The following CSMD2 variants were observed in gnomAD, a reference collection of about 807,000 sequenced individuals.
CSMD2 encodes CUB and sushi domain-containing protein 2.
A neutral mutation model predicts 398.5 loss-of-function variants in CSMD2; 130 were observed. That is an observed-to-expected ratio of 0.33 (90% CI 0.28 to 0.38). The LOEUF is 0.38. Ranked by LOEUF, CSMD2 falls within the 10% of genes least tolerant of loss-of-function variation. CSMD2 has a pLI of 1.00. For missense variants in CSMD2, 3,829 were observed against 4,764.9 expected (o/e 0.80, Z 5.78); for synonymous variants, 1,828 against 1,908.5 (o/e 0.96, Z 1.10).
chr1:33,697,939 C>T (rs922123662), intron 24 of CSMD2, among the ~76,000 whole-genome samples: 1 of 152,154 alleles, frequency 6.6e-6, no homozygotes, highest in African/African-American at 2.4e-5. Context: ...TTTGTTCTTA[C>T]AAGATTAGCC....
At chr1:34,144,566 CTTCAA>C (rs1454020238) in intron 1 of CSMD2, among the ~76,000 whole-genome samples, 1 of 152,202 alleles carries the variant, frequency 6.6e-6, no homozygotes, top group Non-Finnish European at 1.5e-5. Flanking sequence ...TGGGTAACTT[CTTCAA>C]TTCAAGAGTG....
Position 33,918,026 on chromosome 1 carries a change from C to G in CSMD2, c.920+68G>C, listed in dbSNP as rs1643813839. 5.5e-6 allele frequency: 8 copies of G among 1,463,576 alleles called. No individual in the cohort carries two copies. The Middle Eastern group carries it at 1.4e-3, about 256-fold the overall frequency. 90.7% of individuals were successfully genotyped at this position (1,463,576 alleles called of 1,614,324 possible). A position where few individuals can be genotyped will look rare whatever the true frequency, so the allele number is the denominator to read the frequency against. ...GCTGCAGGTCCAGGCACTGAGGAGA[C>G]TGCAAGCATCCCAGTAATTCACAGT... On this transcript the variant is annotated intron_variant, in intron 5 of 70. Transcript: ENST00000373381.
intron 19 of CSMD2, among the ~76,000 whole-genome samples, chr1:33,720,785 C>A (rs1646334598): frequency 6.6e-6 from 1 of 152,206 alleles, no homozygotes; most frequent in Non-Finnish European, 1.5e-5. Flanking sequence ...GCAACCTCTG[C>A]CTCCTGGGTT....
chr1:34,113,284 T>A (rs1217681904), intron 1 of CSMD2, among the ~76,000 whole-genome samples: 1 of 152,010 alleles, frequency 6.6e-6, no homozygotes, highest in East Asian at 1.9e-4. Flanking sequence ...AACGCATGAG[T>A]TGAGAGAGCC....
chr1:33,944,237 C>T (rs1043644188), intron 3 of CSMD2, among the ~76,000 whole-genome samples: 2 of 152,008 alleles, frequency 1.3e-5, no homozygotes, highest in African/African-American at 2.4e-5. Flanking sequence ...AACGCCCCCC[C>T]CCCAACTCCT....
At chr1:34,008,185 G>A (rs9286948) in intron 3 of CSMD2, among the ~76,000 whole-genome samples, 19,844 of 152,138 alleles carry the variant, frequency 0.13, 1,496 homozygotes, top group African/African-American at 0.19. Flanking sequence ...CATACTTTAC[G>A]TTTACCACCC....
chr1:33,888,836 C>A (rs1041205789), intron 5 of CSMD2, among the ~76,000 whole-genome samples: 2 of 151,932 alleles, frequency 1.3e-5, no homozygotes, highest in African/African-American at 4.8e-5. Context: ...GGCGCAATAT[C>A]GGCTCACTGC....
chr1:33,928,265 T>C (rs1371521598), intron 4 of CSMD2, among the ~76,000 whole-genome samples: 1 of 152,208 alleles, frequency 6.6e-6, no homozygotes, highest in African/African-American at 2.4e-5. Flanking sequence ...TGCACCTCTC[T>C]GGGCCTCAGT....
rs1646806954 is a variant in CSMD2 at position 33,734,096 on chromosome 1, T to C, written c.2368+5044A>G. Among the ~76,000 whole-genome samples the C allele has an allele frequency of 3.3e-5, 5 of 152,216 alleles. No homozygotes were observed. In the South Asian group the frequency reaches 1.0e-3, roughly 32 times the overall value. On this transcript the variant is annotated intron_variant, in intron 15 of 70. Coordinates refer to ENST00000373381, the MANE Select transcript of CSMD2 (RefSeq NM_001281956.2). ...CAGTAACTACCCTTATAGTTCTTCC[T>C]TAATGCCAAAATGAGCTACCACCAC...
intron 10 of CSMD2, among the ~76,000 whole-genome samples, chr1:33,795,050 C>T (rs1380704050): frequency 6.6e-6 from 1 of 151,366 alleles, no homozygotes; most frequent in East Asian, 2.0e-4. Context: ...GGACCTATAG[C>T]AAGGTCTAGG....
At chr1:33,865,110 C>T (rs971011892) in intron 5 of CSMD2, among the ~76,000 whole-genome samples, 1 of 151,262 alleles carries the variant, frequency 6.6e-6, no homozygotes, top group Admixed American at 6.6e-5. Flanking sequence ...GAGGTAGAAG[C>T]ACCGTGGTTC....
intron 32 of CSMD2, among the ~76,000 whole-genome samples, chr1:33,632,899 TA>T (rs1423068010): frequency 6.6e-6 from 1 of 152,166 alleles, no homozygotes; most frequent in East Asian, 1.9e-4. Flanking sequence ...ATGTAGCACT[TA>T]AAAATCCTAG....
At chr1:33,796,583 C>T (rs1654976089) in intron 10 of CSMD2, among the ~76,000 whole-genome samples, 1 of 152,158 alleles carries the variant, frequency 6.6e-6, no homozygotes, top group South Asian at 2.1e-4. Context: ...GTATACATCA[C>T]CTCAGGACCA....
chr1:34,082,289 C>G (rs1213423178), intron 2 of CSMD2, among the ~76,000 whole-genome samples: 2 of 150,982 alleles, frequency 1.3e-5, no homozygotes, highest in Non-Finnish European at 3.0e-5. Flanking sequence ...GCTGCCCCGT[C>G]TGAGAAGTGA....
chr1:33,810,999 C>T (rs1376211453), intron 9 of CSMD2, 135 bp from the exon 10 acceptor site: 6 of 949,810 alleles, frequency 6.3e-6, no homozygotes, highest in Non-Finnish European at 9.2e-6. Flanking sequence ...TTCCTGGGTC[C>T]TTCCTCTACA....
chr1:34,124,087 T>C (rs1662492199), intron 1 of CSMD2, among the ~76,000 whole-genome samples: 1 of 152,212 alleles, frequency 6.6e-6, no homozygotes, highest in Non-Finnish European at 1.5e-5. Flanking sequence ...AGCTAGTAAG[T>C]CATGGTCCTG....
intron 9 of CSMD2, chr1:33,812,932 C>T (rs1325242): frequency 0.6 from 90,491 of 152,066 alleles, 28,627 homozygotes; most frequent in East Asian, 0.96. Flanking sequence ...CAAGTACACT[C>T]GAGACTGGCA....
intron 53 of CSMD2, among the ~76,000 whole-genome samples, chr1:33,564,565 A>T (rs1413023936): frequency 6.6e-6 from 1 of 152,178 alleles, no homozygotes; most frequent in African/African-American, 2.4e-5. Context: ...ATACAGATGG[A>T]ACTTTATTTT....
chr1:33,899,645 G>A lies in CSMD2; in HGVS notation c.920+18449C>T, dbSNP rs190938874. 1.9e-3 allele frequency among the ~76,000 whole-genome samples: 296 copies of A among 152,314 alleles called. 1 individual carries two copies. The highest frequency in any genetic ancestry group is 6.6e-3 in the African/African-American group (273 of 41,560). Reference sequence around the variant, plus strand: ...ATCCCACTGGAAGGGAATCTGTGGGGTTGGATTTATATGTGAAAAATTAGG... The same window carrying A: ...ATCCCACTGGAAGGGAATCTGTGGGATTGGATTTATATGTGAAAAATTAGG... On this transcript the variant is annotated intron_variant, in intron 5 of 70. Coordinates refer to ENST00000373381, the MANE Select transcript of CSMD2 (RefSeq NM_001281956.2).
Sources: gnomAD v4.1 joint callset for allele counts (sites outside exome capture counted in the v4.1 genomes callset) on GRCh38, gnomAD v4.1.1 for gene constraint, MANE v1.5 for transcripts, NCBI Gene and HGNC (gene_info 2026-07-23, HGNC 2026-07-21) for gene names.